RETNLB: variants seen among roughly 807,000 people sequenced by gnomAD.
The protein encoded by RETNLB is resistin-like beta.
In RETNLB, 11 loss-of-function variants were observed where a neutral mutation model predicts 6.8. The ratio of observed to expected loss-of-function variants is 1.62; its 90% CI spans 1.02 to 2.68. RETNLB has a LOEUF of 2.68. Among genes scored for constraint, RETNLB ranks in the 30% most tolerant of loss-of-function variants. The pLI is 0.00. For missense variants in RETNLB, 146 were observed against 135.7 expected, an observed-to-expected ratio of 1.08 and a Z score of -0.38; for synonymous variants, 57 against 54.2, an observed-to-expected ratio of 1.05 and a Z score of -0.23.
At position 108,755,802 on chromosome 3, in the gene RETNLB, A is replaced by T. The variant is rs747231274; in HGVS notation, c.312T>A (p.Thr104=). ...GTCAGGTCAGGTGGCAGCAGCGGGC[A>T]GTGGTCCAGTCCACCACACTGCACT... ...HCQCSVVDWT[T]ARCCHLT is the part of the protein sequence containing the mutation. Residue 104 remains threonine, a synonymous_variant, in exon 3 of 3, where the codon ACT becomes ACA. Coordinates refer to ENST00000295755, the MANE Select transcript of RETNLB (RefSeq NM_032579.3). The T allele has an allele frequency of 8.1e-6, 13 of 1,614,028 alleles. No individual in the cohort carries two copies. Among genetic ancestry groups the T allele is most frequent in the Non-Finnish European group, 1.0e-5 (12 of 1,179,990 alleles).
intron 1 of RETNLB, 26 bp downstream of exon 1, chr3:108,757,033 C>T (rs760767557): frequency 6.2e-7 from 1 of 1,606,900 alleles, no homozygotes. Flanking sequence ...GGTCAACCCC[C>T]CGCTTCCCCT....
At chr3:108,756,983 G>C in intron 1 of RETNLB, 76 bp downstream of exon 1, 1 of 1,527,272 alleles carries the variant, frequency 6.5e-7, no homozygotes, top group South Asian at 1.3e-5. Context: ...GGATGGGATA[G>C]AGACAAAGCT....
rs1473745672 is a variant in RETNLB, at chr3:108,756,514, G to C, written c.202C>G (p.Pro68Ala). The C allele has an allele frequency of 6.2e-6, 10 of 1,608,724 alleles. No individual in the cohort carries two copies. Among genetic ancestry groups the C allele is most frequent in the Non-Finnish European group, 8.5e-6 (10 of 1,175,146 alleles). The change falls in exon 2 of 3, where the codon CCT (proline) becomes GCT (alanine). Residue 68 changes from proline (P) to alanine (A), a missense_variant. Pro to Ala is a conservative substitution (Grantham distance 27). Coordinates refer to ENST00000295755, the MANE Select transcript of RETNLB (RefSeq NM_032579.3). ...CTCTCAGGGAGTTACTCACCAGCAG[G>C]GCAGGAGGACGGTCTGCCTTGGCTT... Reference protein sequence around the residue: ...VKSQGRPSSCPAGMAVTGCAC... With the variant: ...VKSQGRPSSCAAGMAVTGCAC...
At position 108,757,149 on chromosome 3, in the gene RETNLB, G is replaced by C. The variant is rs1298303698; in HGVS notation, c.37C>G (p.Pro13Ala). The C allele has an allele frequency of 1.2e-6, 2 of 1,613,664 alleles. No homozygotes were observed. The highest frequency in any genetic ancestry group is 2.7e-5 in the African/African-American group (2 of 74,866). The change falls in exon 1 of 3, where the codon CCC (proline) becomes GCC (alanine). Residue 13 changes from proline to alanine, a missense_variant. Pro to Ala is a conservative substitution (Grantham distance 27). Transcript: ENST00000295755. ...CCCGGGTTGATCAGCTGGAGAAGGG[G>C]GATTAGGATGAGAAGGAGGCAAGAG... is the stretch of plus-strand genomic sequence containing the variant. ...PSSCLLLILI[P>A]LLQLINPGST...
chr3:108,755,790 G>A lies in RETNLB; in HGVS notation c.324C>T (p.Cys108=). Residue 108 remains cysteine (C), a synonymous_variant, in exon 3 of 3, where the codon TGC becomes TGT. Coordinates refer to ENST00000295755, the MANE Select transcript of RETNLB (RefSeq NM_032579.3). ...AGCCTCCTCCCTGTCAGGTCAGGTG[G>A]CAGCAGCGGGCAGTGGTCCAGTCCA... ...SVVDWTTARC[C]HLT 6.2e-7 allele frequency: 1 copy of A among 1,613,984 alleles called. No individual in the cohort carries two copies. Among genetic ancestry groups the A allele is most frequent in the Non-Finnish European group, 8.5e-7 (1 of 1,179,864 alleles).
At position 108,757,361 on chromosome 3, in the gene RETNLB, G is replaced by A; in HGVS notation, c.-176C>T. On this transcript the variant is annotated 5_prime_UTR_variant, in exon 1 of 3. Transcript: ENST00000295755. Reference sequence around the variant, plus strand: ...TTTAGGCAGTTTGGAGAAGCAGGTAGGGTTGCTGAAGAACAGATTTATTCA... The same window carrying A: ...TTTAGGCAGTTTGGAGAAGCAGGTAAGGTTGCTGAAGAACAGATTTATTCA... 1 of 581,932 alleles carries A rather than the reference G, an allele frequency of 1.7e-6. No homozygotes were observed. The allele number at this position is 581,932 out of a possible 1,614,324, so 36.0% of individuals were successfully genotyped here.
In RETNLB at chr3:108,757,064, C is replaced by G. The variant is rs1319321703; in HGVS notation, c.122G>C (p.Ser41Thr). The change falls in exon 1 of 3, where the codon AGT becomes ACT. Residue 41 changes from serine (S) to threonine (T), a missense_variant. Physicochemically the swap from Ser to Thr is moderately conservative, Grantham distance 58. Coordinates refer to ENST00000295755, the MANE Select transcript of RETNLB (RefSeq NM_032579.3). ...CCCCTACCCCAGTCAGTTACCTAGACTGTTGAGAACATCCTTGATCTTCTT... is the reference window on the plus strand; with the variant it reads ...CCCCTACCCCAGTCAGTTACCTAGAGTGTTGAGAACATCCTTGATCTTCTT... ...MDKKIKDVLN[S>T]LEYSPSPISK... is the part of the protein sequence containing the mutation. 6.2e-7 allele frequency: 1 copy of G among 1,613,378 alleles called. No homozygotes were observed. The highest frequency in any genetic ancestry group is 1.7e-5 in the Admixed American group (1 of 59,968).
At chr3:108,756,954 G>T in intron 1 of RETNLB, 105 bp downstream of exon 1, 9 of 1,348,712 alleles carry the variant, frequency 6.7e-6, no homozygotes, top group Non-Finnish European at 8.1e-6. Flanking sequence ...ATCAGGGGTT[G>T]GGCTTGGTTG....
chr3:108,756,025 C>A, intron 2 of RETNLB, 120 bp from the exon 3 acceptor site: 1 of 1,050,598 alleles, frequency 9.5e-7, no homozygotes, highest in South Asian at 1.6e-5. Context: ...CGTGGGGCCT[C>A]AAGCTCATTC....
rs779262328 is a variant in RETNLB, at chr3:108,756,587, C to G, written c.129G>C (p.Glu43Asp). ...KKIKDVLNSLEYSPSPISKKL... is the reference protein window; with the variant it reads ...KKIKDVLNSLDYSPSPISKKL... The stretch of plus-strand genomic sequence containing the variant: ...TCTTGCTTATAGGAGAGGGACTGTA[C>G]TCTGAGTAGGAAAGAAGAAAGGGTA... The change falls in exon 2 of 3, where the codon GAG (glutamate) becomes GAC (aspartate). Residue 43 changes from glutamate (E) to aspartate (D), a missense_variant and splice_region_variant. Coordinates refer to ENST00000295755, the MANE Select transcript of RETNLB (RefSeq NM_032579.3). 6.2e-7 allele frequency: 1 copy of G among 1,606,274 alleles called. No homozygotes were observed. The highest frequency in any genetic ancestry group is 8.5e-7 in the Non-Finnish European group (1 of 1,173,018).
chr3:108,756,772 T>C (rs1945253028), intron 1 of RETNLB, 184 bp from the exon 2 acceptor site: 1 of 599,712 alleles, frequency 1.7e-6, no homozygotes, highest in African/African-American at 1.9e-5. Context: ...CCTCATAAAA[T>C]GGTTGTGGGA....
chr3:108,757,261 G>A lies in RETNLB; in HGVS notation c.-76C>T. 1 of 1,513,392 alleles carries A rather than the reference G, an allele frequency of 6.6e-7. No homozygotes were observed. The highest frequency in any genetic ancestry group is 8.9e-7 in the Non-Finnish European group (1 of 1,123,526). The allele number at this position is 1,513,392 out of a possible 1,614,324, so 93.7% of individuals were successfully genotyped here. A position where few individuals can be genotyped will look rare whatever the true frequency, so the allele number is the denominator to read the frequency against. ...TAGATCTCTGAGCTCCTGGGTGGTG[G>A]TGAAGGAAAGAAGACAACGTGGTTA... On this transcript the variant is annotated 5_prime_UTR_variant, in exon 1 of 3. Transcript: ENST00000295755.
Position 108,757,285 on chromosome 3 carries a change from T to A in RETNLB, c.-100A>T. The A allele has an allele frequency of 7.1e-7, 1 of 1,409,996 alleles. No individual in the cohort carries two copies. Among genetic ancestry groups the A allele is most frequent in the Non-Finnish European group, 9.6e-7 (1 of 1,043,218 alleles). 87.3% of individuals were successfully genotyped at this position (1,409,996 alleles called of 1,614,324 possible). ...GGTGAAGGAAAGAAGACAACGTGGT[T>A]AGTTTCCAGGGAGTAAAGATGGAAG... On this transcript the variant is annotated 5_prime_UTR_variant, in exon 1 of 3. Coordinates refer to ENST00000295755, the MANE Select transcript of RETNLB (RefSeq NM_032579.3).
rs895823099 is a variant in RETNLB at position 108,755,978 on chromosome 3, C to G, written c.209-73G>C. 4 of 1,585,802 alleles carry G rather than the reference C, an allele frequency of 2.5e-6. No individual in the cohort carries two copies. In the African/African-American group the frequency reaches 5.4e-5, roughly 21 times the overall value. ...AGGAGGAAGGGCTACCCACAACCAT[C>G]TTTCAACCCTGTGCAGTCAGGGGTA... On this transcript the variant is annotated intron_variant, in intron 2 of 2. Transcript: ENST00000295755.
rs765557010 is a variant in RETNLB, at chr3:108,757,040, C to T, written c.127+19G>A. ...TGAGCAAGGGTCAACCCCCCGCTTCCCCTACCCCAGTCAGTTACCTAGACT... is the reference window on the plus strand; with the variant it reads ...TGAGCAAGGGTCAACCCCCCGCTTCTCCTACCCCAGTCAGTTACCTAGACT... On this transcript the variant is annotated intron_variant, in intron 1 of 2. Transcript: ENST00000295755. The T allele has an allele frequency of 6.2e-7, 1 of 1,610,574 alleles. No homozygotes were observed. Among genetic ancestry groups the T allele is most frequent in the Non-Finnish European group, 8.5e-7 (1 of 1,178,136 alleles).
rs769720138 is a variant in RETNLB at position 108,756,552 on chromosome 3, C to T, written c.164G>A (p.Cys55Tyr). 6 of 1,613,504 alleles carry T rather than the reference C, an allele frequency of 3.7e-6. No individual in the cohort carries two copies. The highest frequency in any genetic ancestry group is 1.3e-5 in the African/African-American group (1 of 74,886). ...TCTGCCTTGGCTTTTGACACTAGCA[C>T]ACGAGAGCTTCTTGCTTATAGGAGA... ...SPSPISKKLS[C>Y]ASVKSQGRPS... Residue 55 changes from cysteine (C) to tyrosine (Y), a missense_variant, in exon 2 of 3, where the codon TGT becomes TAT. Coordinates refer to ENST00000295755, the MANE Select transcript of RETNLB (RefSeq NM_032579.3).
chr3:108,755,931 A>G, intron 2 of RETNLB, 26 bp from the exon 3 acceptor site: 1 of 1,613,974 alleles, frequency 6.2e-7, no homozygotes, highest in Non-Finnish European at 8.5e-7. Context: ...AAGCACAGAC[A>G]TCAGAGCTCT....
rs982924137 is a variant in RETNLB at position 108,757,259 on chromosome 3, T to G, written c.-74A>C. 11 of 1,521,724 alleles carry G rather than the reference T, an allele frequency of 7.2e-6. No homozygotes were observed. The highest frequency in any genetic ancestry group is 2.4e-4 in the Middle Eastern group (1 of 4,212). 94.3% of individuals were successfully genotyped at this position (1,521,724 alleles called of 1,614,324 possible). ...CTTAGATCTCTGAGCTCCTGGGTGG[T>G]GGTGAAGGAAAGAAGACAACGTGGT... On this transcript the variant is annotated 5_prime_UTR_variant, in exon 1 of 3. Transcript: ENST00000295755.
chr3:108,756,640 C>T (rs1443307089), intron 1 of RETNLB, 52 bp from the exon 2 acceptor site: 5 of 1,230,662 alleles, frequency 4.1e-6, no homozygotes, highest in Non-Finnish European at 6.0e-6. Flanking sequence ...TCCCCATAAT[C>T]CCCTTATCCC....
Sources: gnomAD v4.1 joint callset for allele counts on GRCh38, gnomAD v4.1.1 for gene constraint, MANE v1.5 for transcripts, NCBI Gene and HGNC (gene_info 2026-07-23, HGNC 2026-07-21) for gene names.